UBE2D1: variants seen among roughly 807,000 people sequenced by gnomAD.
UBE2D1 encodes ubiquitin conjugating enzyme E2 D1.
UBE2D1 carries 9 observed loss-of-function variants against 24.6 expected under a neutral mutation model. The ratio of observed to expected loss-of-function variants is 0.37; its 90% CI spans 0.22 to 0.64. The LOEUF is 0.64. Among genes scored for constraint, UBE2D1 ranks in the 30% least tolerant of loss-of-function variants. UBE2D1 has a pLI of 0.64. For missense variants in UBE2D1, 87 were observed against 177.1 expected, an observed-to-expected ratio of 0.49 and a Z score of 2.89; for synonymous variants, 57 against 57.6, an observed-to-expected ratio of 0.99 and a Z score of 0.04.
At position 58,370,399 on chromosome 10, in the gene UBE2D1, A is replaced by G. The variant is rs1383114182; in HGVS notation, c.*1634A>G. Reference sequence around the variant, plus strand: ...TTCATTATTATTAAAGCACAAAATAACCTATTGTTAGAAAATATGTGTTTT... The same window carrying G: ...TTCATTATTATTAAAGCACAAAATAGCCTATTGTTAGAAAATATGTGTTTT... On this transcript the variant is annotated 3_prime_UTR_variant, in exon 7 of 7. Transcript: ENST00000373910. 1 of 152,594 alleles carries G rather than the reference A, an allele frequency of 6.6e-6. No homozygotes were observed. Among genetic ancestry groups the G allele is most frequent in the Non-Finnish European group, 1.5e-5 (1 of 67,936 alleles). The allele number at this position is 152,594 out of a possible 1,614,324, so 9.5% of individuals were successfully genotyped here.
chr10:58,351,406 A>AT (rs977283947), intron 1 of UBE2D1, among the ~76,000 whole-genome samples: 2 of 151,736 alleles, frequency 1.3e-5, no homozygotes, highest in African/African-American at 2.4e-5. Context: ...TTTTTTTCAC[A>AT]TTTTTTTCAC....
chr10:58,349,854 C>CGGTG (rs1840053980), intron 1 of UBE2D1, among the ~76,000 whole-genome samples: 1 of 152,092 alleles, frequency 6.6e-6, no homozygotes, highest in South Asian at 2.1e-4. Flanking sequence ...TCTCTATCAC[C>CGGTG]GTACATTACT....
chr10:58,366,144 A>G (rs1454323881), intron 5 of UBE2D1, among the ~76,000 whole-genome samples: 2 of 152,210 alleles, frequency 1.3e-5, no homozygotes, highest in African/African-American at 4.8e-5. Flanking sequence ...GTGTCACAAA[A>G]TGGATCTCAC....
chr10:58,347,369 T>C (rs547233898), intron 1 of UBE2D1, among the ~76,000 whole-genome samples: 1 of 152,320 alleles, frequency 6.6e-6, no homozygotes, highest in South Asian at 2.1e-4. Flanking sequence ...CAGATTCAAA[T>C]ACAGCTTTTA....
chr10:58,358,579 T>C (rs1339571396), intron 1 of UBE2D1, among the ~76,000 whole-genome samples: 1 of 152,172 alleles, frequency 6.6e-6, no homozygotes, highest in African/African-American at 2.4e-5. Flanking sequence ...CACTTGGTTG[T>C]CATAGAAACT....
At position 58,346,010 on chromosome 10, in the gene UBE2D1, C is replaced by CT. The variant is rs972974578; in HGVS notation, c.24+10804dup. On this transcript the variant is annotated intron_variant, in intron 1 of 6. Transcript: ENST00000373910. ...GGTTTTTGAGTAATAGGAGCTAATA[C>CT]TTTTTTTTTTTTTTTTTTTAGACGG... Among the ~76,000 whole-genome samples the CT allele has an allele frequency of 1.5e-3, 198 of 136,510 alleles. 2 individuals are homozygous for CT. Among genetic ancestry groups the CT allele is most frequent in the East Asian group, 7.7e-3 (36 of 4,660 alleles). 89.6% of individuals were successfully genotyped at this position (136,510 alleles called of 152,430 possible).
Position 58,335,760 on chromosome 10 carries a change from T to C in UBE2D1, c.24+535T>C, listed in dbSNP as rs139852904. ...CTCTTGCTCAGTTGCCCGAATGGGC[T>C]GGAAAGCCCATTTGCGGCCAAGAAG... On this transcript the variant is annotated intron_variant, in intron 1 of 6. Coordinates refer to ENST00000373910, the MANE Select transcript of UBE2D1 (RefSeq NM_003338.5). Among the ~76,000 whole-genome samples, 470 of 152,372 alleles carry C rather than the reference T, an allele frequency of 3.1e-3. 1 individual carries two copies. Among genetic ancestry groups the C allele is most frequent in the African/African-American group, 0.01 (426 of 41,598 alleles).
At chr10:58,345,345 C>T (rs1176625406) in intron 1 of UBE2D1, among the ~76,000 whole-genome samples, 1 of 152,038 alleles carries the variant, frequency 6.6e-6, no homozygotes, top group Non-Finnish European at 1.5e-5. Flanking sequence ...CATCGTGGCA[C>T]GTGCCTGTAG....
At chr10:58,356,137 G>T (rs1451881620) in intron 1 of UBE2D1, among the ~76,000 whole-genome samples, 1 of 151,798 alleles carries the variant, frequency 6.6e-6, no homozygotes, top group African/African-American at 2.4e-5. Context: ...AAATGCTTAA[G>T]AACCTGAATA....
At chr10:58,361,233 G>C in intron 1 of UBE2D1, 105 bp from the exon 2 acceptor site, 1 of 1,160,234 alleles carries the variant, frequency 8.6e-7, no homozygotes, top group South Asian at 1.3e-5. Context: ...GAATAGAACT[G>C]CTTTAAATGT....
chr10:58,349,145 G>T (rs1480271918), intron 1 of UBE2D1, among the ~76,000 whole-genome samples: 3 of 152,088 alleles, frequency 2.0e-5, no homozygotes, highest in Non-Finnish European at 4.4e-5. Context: ...TGGCTTTATT[G>T]TAAGTGCTTT....
chr10:58,350,277 G>A (rs534236916), intron 1 of UBE2D1, among the ~76,000 whole-genome samples: 133 of 152,220 alleles, frequency 8.7e-4, no homozygotes, highest in African/African-American at 3.1e-3. Context: ...GCCAACACTT[G>A]TACTCTCTTC....
intron 1 of UBE2D1, among the ~76,000 whole-genome samples, chr10:58,345,481 C>G (rs1840006311): frequency 6.6e-6 from 1 of 151,956 alleles, no homozygotes; most frequent in African/African-American, 2.4e-5. Flanking sequence ...TCAAAAGATT[C>G]AAGTTAATGC....
chr10:58,353,270 G>A (rs1840096986), intron 1 of UBE2D1, among the ~76,000 whole-genome samples: 1 of 152,174 alleles, frequency 6.6e-6, no homozygotes, highest in Non-Finnish European at 1.5e-5. Flanking sequence ...CTGTTAGAAA[G>A]GATGTAGAAG....
chr10:58,345,706 A>G (rs1031526345), intron 1 of UBE2D1, among the ~76,000 whole-genome samples: 1 of 152,346 alleles, frequency 6.6e-6, no homozygotes, highest in Non-Finnish European at 1.5e-5. Flanking sequence ...GGCCAAATTT[A>G]TTTGGGAAAA....
At position 58,361,420 on chromosome 10, in the gene UBE2D1, C is replaced by A; in HGVS notation, c.88+19C>A. 6.2e-7 allele frequency: 1 copy of A among 1,614,126 alleles called. No homozygotes were observed. The highest frequency in any genetic ancestry group is 1.3e-5 in the African/African-American group (1 of 75,030). On this transcript the variant is annotated intron_variant, in intron 2 of 6. Transcript: ENST00000373910. The stretch of plus-strand genomic sequence containing the variant: ...GATGACTGTAAGCCTTGCTCTATTT[C>A]TGGGATTATGCTACCTTTAAAAATA...
chr10:58,348,897 C>G (rs939890829), intron 1 of UBE2D1, among the ~76,000 whole-genome samples: 1 of 152,090 alleles, frequency 6.6e-6, no homozygotes, highest in African/African-American at 2.4e-5. Flanking sequence ...AATTAGGCTG[C>G]CTCATCTACT....
chr10:58,365,103 A>G (rs1840241136), intron 5 of UBE2D1, among the ~76,000 whole-genome samples: 2 of 152,194 alleles, frequency 1.3e-5, no homozygotes, highest in African/African-American at 2.4e-5. Context: ...AAAAAACCTT[A>G]AAATATCAGA....
At chr10:58,353,750 T>A (rs1406822433) in intron 1 of UBE2D1, among the ~76,000 whole-genome samples, 20 of 152,254 alleles carry the variant, frequency 1.3e-4, no homozygotes, top group Admixed American at 1.3e-3. Flanking sequence ...TGTTTTCAAG[T>A]GACCTGCACT....
Sources: gnomAD v4.1 joint callset for allele counts (sites outside exome capture counted in the v4.1 genomes callset) on GRCh38, gnomAD v4.1.1 for gene constraint, MANE v1.5 for transcripts, NCBI Gene and HGNC (gene_info 2026-07-23, HGNC 2026-07-21) for gene names.